The following ASCC3 variants were observed in gnomAD, a reference collection of about 807,000 sequenced individuals.
ASCC3 encodes activating signal cointegrator 1 complex subunit 3.
ASCC3 carries 158 observed loss-of-function variants against 256.3 expected under a neutral mutation model. That is an observed-to-expected ratio of 0.62 (90% confidence interval 0.54 to 0.70). ASCC3 has a LOEUF of 0.70. Among genes scored for constraint, ASCC3 ranks in the 30% least tolerant of loss-of-function variants. ASCC3 has a pLI of 0.00. For synonymous variants in ASCC3, 948 were observed against 883.4 expected (o/e 1.07, Z -1.30); for missense variants, 2,259 against 2,626.0 (o/e 0.86, Z 3.05).
chr6:100,677,678 C>A (rs1395530550), intron 14 of ASCC3, among the ~76,000 whole-genome samples: 1 of 151,000 alleles, frequency 6.6e-6, no homozygotes, highest in African/African-American at 2.4e-5. Flanking sequence ...TACTATCAGA[C>A]AAATACTCTA....
Position 100,576,778 on chromosome 6 carries a change from C to T in ASCC3, c.5550+12856G>A, listed in dbSNP as rs539524598. Among the ~76,000 whole-genome samples the T allele has an allele frequency of 6.6e-5, 10 of 151,872 alleles. No individual in the cohort carries two copies. In the East Asian group the frequency reaches 1.5e-3, roughly 23 times the overall value. On this transcript the variant is annotated intron_variant, in intron 36 of 41. Transcript: ENST00000369162. ...AGAGAAAGTTTCGATAGAATCTTTG[C>T]TTTCCACCCAGACTAGAGTATTTTA...
intron 10 of ASCC3, among the ~76,000 whole-genome samples, chr6:100,735,474 CTT>C (rs200899563): frequency 0.02 from 2,927 of 149,972 alleles, 87 homozygotes; most frequent in African/African-American, 0.069. Flanking sequence ...TTTTTTGAAA[CTT>C]TGCATTTTTC....
chr6:100,615,410 A>G (rs1282267799), intron 30 of ASCC3, among the ~76,000 whole-genome samples: 1 of 152,030 alleles, frequency 6.6e-6, no homozygotes, highest in African/African-American at 2.4e-5. Context: ...TTAAAATAAC[A>G]GAGACTGTAG....
intron 16 of ASCC3, 101 bp from the exon 17 acceptor site, chr6:100,655,919 T>C (rs1775892916): frequency 7.4e-7 from 1 of 1,348,586 alleles, no homozygotes; most frequent in South Asian, 1.2e-5. Flanking sequence ...AAATACATCA[T>C]TATGCAGTAT....
chr6:100,706,148 A>G (rs1778571230), intron 13 of ASCC3, among the ~76,000 whole-genome samples: 1 of 151,450 alleles, frequency 6.6e-6, no homozygotes, highest in African/African-American at 2.4e-5. Context: ...CAGAGTTAGA[A>G]TAATAAAATT....
intron 4 of ASCC3, among the ~76,000 whole-genome samples, chr6:100,835,795 C>T (rs927219943): frequency 5.3e-5 from 8 of 152,042 alleles, no homozygotes; most frequent in Non-Finnish European, 8.8e-5. Context: ...AAGAATGTTA[C>T]GGGTATTTTG....
At chr6:100,854,984 T>A (rs532582514) in intron 3 of ASCC3, among the ~76,000 whole-genome samples, 27 of 152,326 alleles carry the variant, frequency 1.8e-4, no homozygotes, top group Non-Finnish European at 3.5e-4. Context: ...CGTAATACTA[T>A]TTAAAAGTAT....
intron 10 of ASCC3, among the ~76,000 whole-genome samples, chr6:100,750,798 G>C (rs1367219372): frequency 6.6e-6 from 1 of 151,946 alleles, no homozygotes; most frequent in Non-Finnish European, 1.5e-5. Context: ...AAAATCTGTA[G>C]TACAGATTTT....
intron 11 of ASCC3, among the ~76,000 whole-genome samples, chr6:100,724,985 C>A (rs1223395225): frequency 6.6e-6 from 1 of 151,952 alleles, no homozygotes; most frequent in Non-Finnish European, 1.5e-5. Context: ...GGCAGTCTGG[C>A]TGGAAGTACA....
At position 100,617,066 on chromosome 6, in the gene ASCC3, G is replaced by A. The variant is rs555219621; in HGVS notation, c.4785+8126C>T. 7.9e-5 allele frequency among the ~76,000 whole-genome samples: 12 copies of A among 152,072 alleles called. No individual in the cohort carries two copies. In the South Asian group the frequency reaches 2.3e-3, roughly 29 times the overall value. On this transcript the variant is annotated intron_variant, in intron 30 of 41. Transcript: ENST00000369162. ...GTCACCCAGGCTGGAGTGCAGTGGC[G>A]CGATCTTGGCTCACTGCAATCTCTG...
intron 34 of ASCC3, among the ~76,000 whole-genome samples, chr6:100,597,438 T>C (rs1490745094): frequency 3.9e-5 from 6 of 152,176 alleles, no homozygotes. Context: ...TTATGATTTT[T>C]GAGGCTAGAA....
chr6:100,838,528 G>C (rs1306317020), intron 4 of ASCC3, among the ~76,000 whole-genome samples: 3 of 152,000 alleles, frequency 2.0e-5, no homozygotes, highest in African/African-American at 4.8e-5. Context: ...GCTGTTTGCA[G>C]AGAATTAGAT....
chr6:100,782,231 A>C (rs2114262317), intron 8 of ASCC3, among the ~76,000 whole-genome samples: 1 of 152,306 alleles, frequency 6.6e-6, no homozygotes, highest in Non-Finnish European at 1.5e-5. Flanking sequence ...TATGAAATTA[A>C]TTTAGTGGAT....
intron 8 of ASCC3, among the ~76,000 whole-genome samples, chr6:100,775,840 G>T (rs1782160183): frequency 6.8e-6 from 1 of 146,494 alleles, no homozygotes; most frequent in Admixed American, 6.7e-5. Context: ...CAGCAATTGT[G>T]ACAGCAGTTA....
At chr6:100,843,478 T>C (rs1772245050) in intron 4 of ASCC3, among the ~76,000 whole-genome samples, 1 of 152,208 alleles carries the variant, frequency 6.6e-6, no homozygotes, top group South Asian at 2.1e-4. Flanking sequence ...ACTCTCTTTT[T>C]CTAAAAACTG....
chr6:100,624,448 CTATAA>C (rs1335582142), intron 30 of ASCC3, among the ~76,000 whole-genome samples: 27 of 151,766 alleles, frequency 1.8e-4, no homozygotes, highest in African/African-American at 5.8e-4. Context: ...AATATTTTAT[CTATAA>C]TATATCAATA....
chr6:100,800,853 G>A (rs958587475), intron 5 of ASCC3, among the ~76,000 whole-genome samples: 6 of 151,006 alleles, frequency 4.0e-5, no homozygotes, highest in East Asian at 1.9e-4. Context: ...AATAATTATC[G>A]ATAATAATTA....
chr6:100,638,947 T>A (rs1037043740), intron 24 of ASCC3, 126 bp from the exon 25 acceptor site: 23 of 779,116 alleles, frequency 3.0e-5, no homozygotes, highest in Non-Finnish European at 4.6e-5. Flanking sequence ...ACACAAACTC[T>A]TATATACCCA....
intron 37 of ASCC3, among the ~76,000 whole-genome samples, chr6:100,535,593 C>T (rs1582406083): frequency 1.3e-5 from 2 of 151,628 alleles, no homozygotes; most frequent in African/African-American, 4.8e-5. Context: ...CTCAGCCTCC[C>T]GAGTAGCTGG....
Sources: gnomAD v4.1 joint callset for allele counts (sites outside exome capture counted in the v4.1 genomes callset) on GRCh38, gnomAD v4.1.1 for gene constraint, MANE v1.5 for transcripts, NCBI Gene and HGNC (gene_info 2026-07-23, HGNC 2026-07-21) for gene names.